The following ARID1A variants were observed in gnomAD, a reference collection of about 807,000 sequenced individuals.
The protein encoded by ARID1A is AT-rich interactive domain-containing protein 1A.
A neutral mutation model predicts 212.6 loss-of-function variants in ARID1A; 20 were observed. The observed-to-expected ratio is 0.09, with a 90% CI of 0.07 to 0.14. The LOEUF (loss-of-function observed/expected upper bound fraction) is 0.14, where lower values mean the gene tolerates loss of function less well. Among genes scored for constraint, ARID1A ranks in the 10% least tolerant of loss-of-function variants. ARID1A has a pLI of 1.00. For missense variants in ARID1A, 2,587 were observed against 3,059.0 expected, an observed-to-expected ratio of 0.85 and a Z score of 3.64; for synonymous variants, 1,376 against 1,222.1, an observed-to-expected ratio of 1.13 and a Z score of -2.63.
At chr1:26,758,619 C>CAAAAA (rs113900947) in intron 4 of ARID1A, among the ~76,000 whole-genome samples, 2 of 93,672 alleles carry the variant, frequency 2.1e-5, no homozygotes, top group African/African-American at 4.0e-5. Context: ...GACCCTGTCT[C>CAAAAA]AAAAAAAAAA....
At chr1:26,720,538 G>A (rs1286175668) in intron 1 of ARID1A, among the ~76,000 whole-genome samples, 1 of 151,718 alleles carries the variant, frequency 6.6e-6, no homozygotes, top group Admixed American at 6.6e-5. Flanking sequence ...TGGGCATGTA[G>A]CCCAAATGCT....
chr1:26,734,781 T>A (rs1199241886), intron 4 of ARID1A, among the ~76,000 whole-genome samples: 4 of 152,210 alleles, frequency 2.6e-5, no homozygotes, highest in African/African-American at 9.6e-5. Flanking sequence ...GCCCTCTCCT[T>A]TCTTAACCAG....
rs117342430 is a variant in ARID1A at position 26,729,888 on chromosome 1, G to C, written c.1350+25G>C. On this transcript the variant is annotated intron_variant, in intron 2 of 19. Transcript: ENST00000324856. ...GGTAGATGGTGATTGTGATTACCTT[G>C]ACCCTTGTTGCTGTCCAAAATCTGA... 2,778 of 1,605,200 alleles carry C rather than the reference G, an allele frequency of 1.7e-3. 43 individuals carry two copies. In the East Asian group the frequency reaches 0.03, roughly 17 times the overall value.
At chr1:26,709,312 C>T (rs1166015611) in intron 1 of ARID1A, among the ~76,000 whole-genome samples, 1 of 152,182 alleles carries the variant, frequency 6.6e-6, no homozygotes, top group Non-Finnish European at 1.5e-5. Context: ...AAGCAAGCCT[C>T]CAGGAGAGTT....
chr1:26,748,479 G>A (rs2080856808), intron 4 of ARID1A, among the ~76,000 whole-genome samples: 1 of 152,016 alleles, frequency 6.6e-6, no homozygotes, highest in Non-Finnish European at 1.5e-5. Context: ...GAAAGTAGGG[G>A]GTTCCTAACT....
At chr1:26,776,191 C>T (rs533574129) in intron 19 of ARID1A, among the ~76,000 whole-genome samples, 1 of 151,582 alleles carries the variant, frequency 6.6e-6, no homozygotes, top group Non-Finnish European at 1.5e-5. Flanking sequence ...CCATTTTTCC[C>T]TTTCTTCTCT....
intron 12 of ARID1A, 68 bp from the exon 13 acceptor site, chr1:26,772,432 G>A (rs142563091): frequency 1.0e-4 from 165 of 1,605,056 alleles, no homozygotes; most frequent in Non-Finnish European, 1.4e-4. Context: ...TGGGTCGTTC[G>A]TGTGTTTGTG....
Position 26,731,241 on chromosome 1 carries a change from G to A in ARID1A, c.1440G>A (p.Gln480=), listed in dbSNP as rs746775479. 1.9e-6 allele frequency: 3 copies of A among 1,613,962 alleles called. No homozygotes were observed. Among genetic ancestry groups the A allele is most frequent in the Non-Finnish European group, 2.5e-6 (3 of 1,179,970 alleles). Residue 480 remains glutamine (Q), a synonymous_variant, in exon 3 of 20, where the codon CAG becomes CAA. Coordinates refer to ENST00000324856, the MANE Select transcript of ARID1A (RefSeq NM_006015.6). ...YYNQQSPHPQ[Q]QQPPYSQQPP... is the part of the protein sequence containing the mutation. ...ACCAGCAAAGTCCTCACCCTCAGCA[G>A]CAGCAGCCACCCTACTCCCAGCAAC...
chr1:26,731,737 A>C (rs1325774423), intron 3 of ARID1A, 133 bp downstream of exon 3: 1 of 960,824 alleles, frequency 1.0e-6, no homozygotes, highest in African/African-American at 1.6e-5. Context: ...CTGGGTAAAC[A>C]TGATAACTGG....
At chr1:26,704,048 C>T (rs774286205) in intron 1 of ARID1A, among the ~76,000 whole-genome samples, 6 of 152,126 alleles carry the variant, frequency 3.9e-5, no homozygotes, top group Non-Finnish European at 7.3e-5. Flanking sequence ...ACTAATTTGC[C>T]TTTTCATAAT....
Position 26,731,506 on chromosome 1 carries a change from G to A in ARID1A, c.1705G>A (p.Ala569Thr), listed in dbSNP as rs1021884352. The change falls in exon 3 of 20, where the codon GCA (alanine) becomes ACA (threonine). Residue 569 changes from alanine (A) to threonine (T), a missense_variant. This residue lies in a region of ARID1A where 674 missense variants were observed against 813.4 expected (regional missense o/e 0.83). Transcript: ENST00000324856. ...CCAGCAGCAGCAACCTCAGCAGCCA[G>A]CACCCTCGACGCTCTCCCAGCAGGC... ...PYQQQQPQQP[A>T]PSTLSQQAAY... 1 of 1,613,696 alleles carries A rather than the reference G, an allele frequency of 6.2e-7. No individual in the cohort carries two copies. The highest frequency in any genetic ancestry group is 1.1e-5 in the South Asian group (1 of 91,060).
rs2124744299 is a variant in ARID1A, at chr1:26,697,327, C to T, written c.924C>T (p.Tyr308=). 1 of 1,336,540 alleles carries T rather than the reference C, an allele frequency of 7.5e-7. No homozygotes were observed. The highest frequency in any genetic ancestry group is 9.5e-7 in the Non-Finnish European group (1 of 1,049,970). 82.8% of individuals were successfully genotyped at this position (1,336,540 alleles called of 1,614,324 possible). The change falls in exon 1 of 20, where the codon TAC becomes TAT. Residue 308 remains tyrosine (Y), a synonymous_variant. Transcript: ENST00000324856. ...LLTSPSSARG[Y]QGYPGGDYSG... ...CGTCGCCCAGCTCGGCCCGGGGCTA[C>T]CAGGGCTACCCCGGGGGCGACTACA...
intron 8 of ARID1A, among the ~76,000 whole-genome samples, chr1:26,763,675 A>G (rs2081013823): frequency 6.6e-6 from 1 of 152,138 alleles, no homozygotes; most frequent in Non-Finnish European, 1.5e-5. Context: ...AGGCTGAGGC[A>G]GGAGAATCAC....
At chr1:26,738,778 C>T (rs1279843327) in intron 4 of ARID1A, among the ~76,000 whole-genome samples, 8 of 151,670 alleles carry the variant, frequency 5.3e-5, no homozygotes, top group African/African-American at 1.5e-4. Context: ...AGGCTGGTTT[C>T]GAACTCCTGA....
chr1:26,780,555 G>T lies in ARID1A; in HGVS notation c.6657G>T (p.Gln2219His), dbSNP rs200298922. The T allele has an allele frequency of 2.3e-5, 37 of 1,614,160 alleles. No homozygotes were observed. In the Middle Eastern group the frequency reaches 1.3e-3, roughly 58 times the overall value. Residue 2219 changes from glutamine to histidine, a missense_variant, in exon 20 of 20, where the codon CAG (glutamine) becomes CAT (histidine). By Grantham distance (24) the Gln-to-His change is conservative. Coordinates refer to ENST00000324856, the MANE Select transcript of ARID1A (RefSeq NM_006015.6). This position sits in a 1 kb window ranked among gnomAD's most constrained non-coding sequence, Gnocchi z 7.2. ...QQSQASLLHM[Q>H]NPPFEPTSVD... ...GCCAGGCCAGCCTCCTCCACATGCA[G>T]AACCCACCCTTTGAGCCAACTAGTG...
At position 26,697,486 on chromosome 1, in the gene ARID1A, C is replaced by T. The variant is rs2124745151; in HGVS notation, c.1083C>T (p.Pro361=). The stretch of plus-strand genomic sequence containing the variant: ...CCCAACAAAGGAGCCACCACGCGCC[C>T]ATGAGCCCCGGGAGCAGCGGCGGCG... ...GGAQQRSHHA[P]MSPGSSGGGG... The change falls in exon 1 of 20, where the codon CCC becomes CCT. Residue 361 remains proline, a synonymous_variant. Transcript: ENST00000324856. 7.1e-7 allele frequency: 1 copy of T among 1,405,644 alleles called. No individual in the cohort carries two copies. Among genetic ancestry groups the T allele is most frequent in the Non-Finnish European group, 9.2e-7 (1 of 1,087,462 alleles). 87.1% of individuals were successfully genotyped at this position (1,405,644 alleles called of 1,614,324 possible).
chr1:26,730,245 G>A (rs2080661114), intron 2 of ARID1A, among the ~76,000 whole-genome samples: 1 of 152,164 alleles, frequency 6.6e-6, no homozygotes, highest in African/African-American at 2.4e-5. Context: ...TTATGCTTCT[G>A]AATACCTTTA....
intron 4 of ARID1A, 47 bp from the exon 5 acceptor site, chr1:26,760,809 C>T (rs1351876963): frequency 1.9e-6 from 3 of 1,553,964 alleles, no homozygotes; most frequent in African/African-American, 2.7e-5. Context: ...AAAGTAGAAT[C>T]TTTCTGCCTA....
rs747283284 is a variant in ARID1A, at chr1:26,697,317, C to T, written c.914C>T (p.Ala305Val). 2.6e-5 allele frequency: 35 copies of T among 1,343,946 alleles called. No homozygotes were observed. The Middle Eastern group carries it at 7.3e-4, about 28-fold the overall frequency. 83.3% of individuals were successfully genotyped at this position (1,343,946 alleles called of 1,614,324 possible). ...LNQLLTSPSS[A>V]RGYQGYPGGD... ...CAACTGCTCACGTCGCCCAGCTCGG[C>T]CCGGGGCTACCAGGGCTACCCCGGG... Residue 305 changes from alanine to valine, a missense_variant, in exon 1 of 20, where the codon GCC (alanine) becomes GTC (valine). Transcript: ENST00000324856.
Sources: allele counts gnomAD v4.1 joint callset (sites outside exome capture counted in the v4.1 genomes callset), GRCh38; gene constraint gnomAD v4.1.1; regional missense constraint gnomAD v4.1.1; non-coding constraint Gnocchi (gnomAD v3.1); transcripts MANE v1.5; gene names NCBI Gene and HGNC (gene_info 2026-07-23, HGNC 2026-07-21).